The following KLHL10 variants were observed in gnomAD, a reference collection of about 807,000 sequenced individuals.
KLHL10 encodes the protein kelch like family member 10.
A neutral mutation model predicts 46.6 loss-of-function variants in KLHL10; 11 were observed. That is an observed-to-expected ratio of 0.24 (90% CI 0.15 to 0.39). KLHL10 has a LOEUF of 0.39. Ranked by LOEUF, KLHL10 falls within the 10% of genes least tolerant of loss-of-function variation. The pLI, the probability that KLHL10 is intolerant of heterozygous loss-of-function variation, is 1.00. For missense variants in KLHL10, 475 were observed against 789.8 expected, an observed-to-expected ratio of 0.60 and a Z score of 4.78; for synonymous variants, 254 against 279.1, an observed-to-expected ratio of 0.91 and a Z score of 0.90.
Position 41,845,553 on chromosome 17 carries a change from CG to C in KLHL10, c.1113del (p.Met372CysfsTer10). The C allele has an allele frequency of 6.2e-7, 1 of 1,614,154 alleles. No homozygotes were observed. The highest frequency in any genetic ancestry group is 8.5e-7 in the Non-Finnish European group (1 of 1,180,016). On this transcript the variant is annotated frameshift_variant, in exon 3 of 5. Coordinates refer to ENST00000293303, the MANE Select transcript of KLHL10 (RefSeq NM_152467.5). LOFTEE classifies it high-confidence loss of function. ...PVKKTWHQVA[P>X]MHSRRCYVSV... ...AAGAAAACTTGGCATCAGGTGGCCC[CG>C]ATGCACTCCAGACGTTGCTATGTCA...
At position 41,837,904 on chromosome 17, in the gene KLHL10, G is replaced by A. The variant is rs782412936; in HGVS notation, c.-29G>A. ...CAACCCTCCCCGACACCCTAGGAAA[G>A]CAGCCTCTCTCCGCTGTCCCAGGGT... On this transcript the variant is annotated 5_prime_UTR_variant, in exon 1 of 5. Coordinates refer to ENST00000293303, the MANE Select transcript of KLHL10 (RefSeq NM_152467.5). 1 of 1,612,544 alleles carries A rather than the reference G, an allele frequency of 6.2e-7. No individual in the cohort carries two copies. Among genetic ancestry groups the A allele is most frequent in the Non-Finnish European group, 8.5e-7 (1 of 1,179,864 alleles).
chr17:41,838,182 C>A, intron 1 of KLHL10, 56 bp downstream of exon 1: 1 of 1,393,592 alleles, frequency 7.2e-7, no homozygotes, highest in Non-Finnish European at 1.0e-6. Flanking sequence ...TTTTGAGACA[C>A]TTTGATCCAT....
intron 2 of KLHL10, among the ~76,000 whole-genome samples, chr17:41,844,555 T>C (rs1555621079): frequency 6.9e-6 from 1 of 144,056 alleles, no homozygotes; most frequent in East Asian, 2.0e-4. Flanking sequence ...TTTTTTTTTT[T>C]TTTTTTTTTT....
intron 3 of KLHL10, among the ~76,000 whole-genome samples, chr17:41,846,763 C>T (rs1321202876): frequency 2.0e-5 from 3 of 152,004 alleles, no homozygotes; most frequent in African/African-American, 7.3e-5. Flanking sequence ...TGTAGTGAGC[C>T]GGGATAGCTC....
Position 41,847,971 on chromosome 17 carries a change from C to T in KLHL10, c.1491C>T (p.Ala497=), listed in dbSNP as rs1024916024. The change falls in exon 5 of 5, where the codon GCC becomes GCT. Residue 497 remains alanine, a synonymous_variant. Coordinates refer to ENST00000293303, the MANE Select transcript of KLHL10 (RefSeq NM_152467.5). ...ATGGAGCTAATCGACTTAGGAGTGC[C>T]GAAGCCTACAGCCCTGTGGCTAACA... ...GFDGANRLRS[A]EAYSPVANTW... 1.2e-5 allele frequency: 20 copies of T among 1,614,038 alleles called. No individual in the cohort carries two copies. The highest frequency in any genetic ancestry group is 1.7e-5 in the Admixed American group (1 of 60,002).
chr17:41,836,181 C>A, upstream of KLHL10: 1 of 1,279,982 alleles, frequency 7.8e-7, no homozygotes. Flanking sequence ...TCCCTCCTCA[C>A]CTCCTCTGCC....
Position 41,847,530 on chromosome 17 carries a change from G to C in KLHL10, c.1452+120G>C. ...AAAAGCTTTTTTTTTTTTTGAGATG[G>C]AGTCTCGCTCTGTTGCCCAGGCTGT... On this transcript the variant is annotated intron_variant, in intron 4 of 4. Transcript: ENST00000293303. 3.4e-6 allele frequency: 4 copies of C among 1,182,030 alleles called. No individual in the cohort carries two copies. The South Asian group carries it at 3.8e-5, about 11-fold the overall frequency. The allele number at this position is 1,182,030 out of a possible 1,614,324, so 73.2% of individuals were successfully genotyped here.
upstream of KLHL10, chr17:41,836,194 C>T: frequency 7.9e-7 from 1 of 1,258,080 alleles, no homozygotes; most frequent in Non-Finnish European, 1.0e-6. Flanking sequence ...CCTCTGCCAT[C>T]CCGTTCGAGG....
At position 41,845,464 on chromosome 17, in the gene KLHL10, G is replaced by A. The variant is rs782674695; in HGVS notation, c.1023G>A (p.Val341=). 3.7e-6 allele frequency: 6 copies of A among 1,614,204 alleles called. No homozygotes were observed. In the South Asian group the frequency reaches 5.5e-5, roughly 15 times the overall value. Residue 341 remains valine (V), a synonymous_variant, in exon 3 of 5, where the codon GTG becomes GTA. Transcript: ENST00000293303. The part of the protein sequence containing the change: ...YHGAAYLKGY[V]YIIGGFDSVD... ...GGGCAGCCTATTTGAAAGGCTATGT[G>A]TATATCATTGGGGGGTTTGATAGTG...
intron 1 of KLHL10, among the ~76,000 whole-genome samples, chr17:41,838,920 C>A (rs1244243664): frequency 6.6e-6 from 1 of 151,880 alleles, no homozygotes; most frequent in Non-Finnish European, 1.5e-5. Context: ...AACTCCTGAC[C>A]TCAGGTGATC....
intron 3 of KLHL10, 92 bp downstream of exon 3, chr17:41,845,835 T>C (rs1555621334): frequency 1.3e-6 from 2 of 1,502,886 alleles, no homozygotes; most frequent in Middle Eastern, 1.8e-4. Context: ...GAAGACGCAG[T>C]GGCAGTATTC....
rs1240926398 is a variant in KLHL10, at chr17:41,847,503, T to C, written c.1452+93T>C. On this transcript the variant is annotated intron_variant, in intron 4 of 4. Transcript: ENST00000293303. ...GTTTATGCTACTATTGGTAAGTATT[T>C]GAAAAGCTTTTTTTTTTTTTGAGAT... 11 of 1,512,480 alleles carry C rather than the reference T, an allele frequency of 7.3e-6. No homozygotes were observed. In the Admixed American group the frequency reaches 1.9e-4, roughly 26 times the overall value. 93.7% of individuals were successfully genotyped at this position (1,512,480 alleles called of 1,614,324 possible).
chr17:41,836,321 C>G (rs2048159313), upstream of KLHL10: 2 of 1,227,622 alleles, frequency 1.6e-6, no homozygotes, highest in Non-Finnish European at 2.0e-6. Context: ...GGGGTGGGGC[C>G]GAGAATCGAG....
In KLHL10 at chr17:41,848,354, C is replaced by CT. The variant is rs782182544; in HGVS notation, c.*54dup. ...AAAGTCTAAGCAATAAGAATTAATT[C>CT]TTTTTTTAAAAAAATGCAGTGTTTA... On this transcript the variant is annotated 3_prime_UTR_variant, in exon 5 of 5. Coordinates refer to ENST00000293303, the MANE Select transcript of KLHL10 (RefSeq NM_152467.5). The CT allele has an allele frequency of 3.5e-5, 56 of 1,579,170 alleles. No individual in the cohort carries two copies. Among genetic ancestry groups the CT allele is most frequent in the Non-Finnish European group, 4.4e-5 (51 of 1,168,312 alleles).
intron 2 of KLHL10, among the ~76,000 whole-genome samples, chr17:41,844,861 T>G (rs1214726271): frequency 6.6e-6 from 1 of 152,074 alleles, no homozygotes; most frequent in Non-Finnish European, 1.5e-5. Flanking sequence ...AATTTTTGTA[T>G]TTTTAGTAGA....
rs2048231252 is a variant in KLHL10, at chr17:41,841,947, G to C, written c.319G>C (p.Asp107His). ...CACCCGGACCGTGCCTATCACACCG[G>C]ACAATGTGGAGAAACTGCTTGCTGC... is the stretch of plus-strand genomic sequence containing the variant. ...AYTRTVPITPDNVEKLLAAAD... is the reference protein window; with the variant it reads ...AYTRTVPITPHNVEKLLAAAD... The change falls in exon 2 of 5, where the codon GAC (aspartate) becomes CAC (histidine). Residue 107 changes from aspartate (D) to histidine (H), a missense_variant. Physicochemically the swap from Asp to His is moderately conservative, Grantham distance 81 (BLOSUM62 -1). Transcript: ENST00000293303. 1 of 1,614,076 alleles carries C rather than the reference G, an allele frequency of 6.2e-7. No individual in the cohort carries two copies. The highest frequency in any genetic ancestry group is 1.3e-5 in the African/African-American group (1 of 74,914).
At chr17:41,839,566 T>C (rs933765044) in intron 1 of KLHL10, among the ~76,000 whole-genome samples, 5 of 152,170 alleles carry the variant, frequency 3.3e-5, no homozygotes, top group Non-Finnish European at 5.9e-5. Context: ...GCTAAAACCA[T>C]TGTAACCCAG....
rs782390827 is a variant in KLHL10, at chr17:41,837,966, T to C, written c.34T>C (p.Phe12Leu). Residue 12 changes from phenylalanine to leucine, a missense_variant, in exon 1 of 5, where the codon TTC becomes CTC. Phe to Leu is a conservative substitution (Grantham distance 22). Transcript: ENST00000293303. ...EMESAAASTR[F>L]HQPHMERKMS... ...GGAGAGCGCGGCGGCCTCCACACGT[T>C]TCCACCAGCCTCACATGGAGAGGAA... The C allele has an allele frequency of 1.2e-6, 2 of 1,614,068 alleles. No individual in the cohort carries two copies. Among genetic ancestry groups the C allele is most frequent in the Admixed American group, 3.3e-5 (2 of 60,008 alleles).
intron 4 of KLHL10, among the ~76,000 whole-genome samples, chr17:41,847,672 A>AT (rs1162255993): frequency 6.6e-4 from 100 of 152,092 alleles, no homozygotes; most frequent in African/African-American, 2.1e-3. Context: ...TGCCCAGCTA[A>AT]TTTTTTGTAT....
Sources: gnomAD v4.1 joint callset for allele counts (sites outside exome capture counted in the v4.1 genomes callset) on GRCh38, gnomAD v4.1.1 for gene constraint, MANE v1.5 for transcripts, NCBI Gene and HGNC (gene_info 2026-07-23, HGNC 2026-07-21) for gene names.